The following SLC41A3 variants were observed in gnomAD, a reference collection of about 807,000 sequenced individuals.
The protein encoded by SLC41A3 is SLC41A1-like 2.
SLC41A3 carries 44 observed loss-of-function variants against 45.4 expected under a neutral mutation model. That is an observed-to-expected ratio of 0.97 (90% CI 0.76 to 1.25). The LOEUF is 1.25. SLC41A3 is among the 50% of genes most tolerant of loss of function. The pLI is 0.00. For synonymous variants in SLC41A3, 256 were observed against 252.4 expected, an observed-to-expected ratio of 1.01 and a Z score of -0.13; for missense variants, 550 against 600.6, an observed-to-expected ratio of 0.92 and a Z score of 0.88.
chr3:126,048,438 T>A (rs546121997), intron 3 of SLC41A3, among the ~76,000 whole-genome samples: 1 of 152,346 alleles, frequency 6.6e-6, no homozygotes, highest in East Asian at 1.9e-4. Context: ...CATGTATATA[T>A]TTTATTTCAT....
chr3:126,035,874 G>A (rs1942151503), intron 3 of SLC41A3, among the ~76,000 whole-genome samples: 1 of 152,152 alleles, frequency 6.6e-6, no homozygotes, highest in Admixed American at 6.5e-5. Context: ...CATCAGGTAG[G>A]GATATTTTTC....
chr3:126,061,439 G>A (rs1005559398), intron 2 of SLC41A3, among the ~76,000 whole-genome samples: 4 of 152,170 alleles, frequency 2.6e-5, no homozygotes, highest in Non-Finnish European at 4.4e-5. Context: ...GCCTCCCTCC[G>A]CAGGGCCGCT....
At chr3:126,018,438 GA>G (rs1350811267) in intron 6 of SLC41A3, among the ~76,000 whole-genome samples, 1 of 152,130 alleles carries the variant, frequency 6.6e-6, no homozygotes, top group East Asian at 1.9e-4. Flanking sequence ...TAAACTTGGC[GA>G]ATCTCCCTGG....
chr3:126,099,987 G>C (rs934851887), intron 1 of SLC41A3, among the ~76,000 whole-genome samples: 10 of 152,148 alleles, frequency 6.6e-5, no homozygotes, highest in Admixed American at 2.6e-4. Context: ...GATGTGGTGG[G>C]CTTTGCTCTG....
rs896344376 is a variant in SLC41A3, at chr3:126,006,827, G to A, written c.*189C>T. The A allele has an allele frequency of 1.4e-6, 2 of 1,451,132 alleles. No individual in the cohort carries two copies. Among genetic ancestry groups the A allele is most frequent in the Non-Finnish European group, 9.0e-7 (1 of 1,108,404 alleles). 89.9% of individuals were successfully genotyped at this position (1,451,132 alleles called of 1,614,324 possible). On this transcript the variant is annotated 3_prime_UTR_variant, in exon 11 of 11. Transcript: ENST00000360370. ...CTCAAGCCATGCTCTTGATTTCAGG[G>A]CTCTATTGCAGGCTCAGGTATCAAC...
chr3:126,051,280 G>A (rs1397867584), intron 2 of SLC41A3, among the ~76,000 whole-genome samples: 1 of 152,246 alleles, frequency 6.6e-6, no homozygotes, highest in African/African-American at 2.4e-5. Flanking sequence ...CTGGGGGCTG[G>A]GCCAGGCTGG....
intron 1 of SLC41A3, among the ~76,000 whole-genome samples, chr3:126,081,555 T>C (rs541583796): frequency 6.6e-6 from 1 of 152,382 alleles, no homozygotes; most frequent in South Asian, 2.1e-4. Context: ...ATTGCACTGA[T>C]TTGATCTTTA....
chr3:126,089,450 G>A (rs1312602283), intron 1 of SLC41A3, among the ~76,000 whole-genome samples: 1 of 152,130 alleles, frequency 6.6e-6, no homozygotes, highest in East Asian at 1.9e-4. Context: ...TATGAAAATG[G>A]GTACTGCATT....
intron 2 of SLC41A3, among the ~76,000 whole-genome samples, chr3:126,059,292 A>AAGAAAGAAAGAAAGAAAAGAAAG (rs1943909391): frequency 9.8e-6 from 1 of 101,660 alleles, no homozygotes; most frequent in Non-Finnish European, 2.2e-5. Context: ...GAAAGAAAGA[A>AAGAAAGAAAGAAAGAAAAGAAAG]AGAAAGAAAG....
intron 2 of SLC41A3, among the ~76,000 whole-genome samples, chr3:126,066,128 G>A (rs1944335453): frequency 6.6e-6 from 1 of 152,226 alleles, no homozygotes; most frequent in Admixed American, 6.5e-5. Flanking sequence ...AGTGATGTCT[G>A]TCTTGCCAGC....
Position 126,021,401 on chromosome 3 carries a change from C to T in SLC41A3, c.745+1385G>A, listed in dbSNP as rs970799511. The stretch of plus-strand genomic sequence containing the variant: ...CAGCGCTCCAGAGGAAGGTCATATA[C>T]CAGTTAAATTTCACCATCTTGCCCT... On this transcript the variant is annotated intron_variant, in intron 6 of 10. Coordinates refer to ENST00000360370, the MANE Select transcript of SLC41A3 (RefSeq NM_017836.4). Among the ~76,000 whole-genome samples, 5 of 152,174 alleles carry T rather than the reference C, an allele frequency of 3.3e-5. No individual in the cohort carries two copies. The South Asian group carries it at 1.0e-3, about 32-fold the overall frequency.
At chr3:126,057,196 GT>G in intron 2 of SLC41A3, 1 of 983,424 alleles carries the variant, frequency 1.0e-6, no homozygotes, top group Non-Finnish European at 1.2e-6. Context: ...GTCATCTCAA[GT>G]TGTGTCCAGC....
At chr3:126,056,247 T>C in intron 2 of SLC41A3, 1 of 1,384,050 alleles carries the variant, frequency 7.2e-7, no homozygotes, top group Non-Finnish European at 9.9e-7. Flanking sequence ...GGTTGAGGGC[T>C]GCCCTCCCAC....
In SLC41A3 at chr3:126,037,233, C is replaced by T. The variant is rs188622638; in HGVS notation, c.382-3555G>A. ...TTGCCATGTGATGCCTGCTCCCCTT[C>T]GCCTCCACCATGAATGGAAGCTTCC... On this transcript the variant is annotated intron_variant, in intron 3 of 10. Coordinates refer to ENST00000360370, the MANE Select transcript of SLC41A3 (RefSeq NM_017836.4). 3.9e-3 allele frequency among the ~76,000 whole-genome samples: 590 copies of T among 152,306 alleles called. 5 individuals are homozygous for T. The highest frequency in any genetic ancestry group is 0.011 in the South Asian group (52 of 4,820).
intron 3 of SLC41A3, among the ~76,000 whole-genome samples, chr3:126,049,789 AG>A (rs1166349365): frequency 5.3e-5 from 8 of 152,220 alleles, no homozygotes; most frequent in African/African-American, 1.9e-4. Flanking sequence ...TCTAGAGGAC[AG>A]GAGTCTGAAA....
chr3:126,065,887 A>C (rs548359470), intron 2 of SLC41A3, among the ~76,000 whole-genome samples: 5 of 152,346 alleles, frequency 3.3e-5, no homozygotes, highest in African/African-American at 1.2e-4. Flanking sequence ...ATGAGCAAAG[A>C]ATATAAATAG....
chr3:126,088,511 CA>C (rs1227577326), upstream of SLC41A3, among the ~76,000 whole-genome samples: 2 of 152,036 alleles, frequency 1.3e-5, no homozygotes, highest in African/African-American at 2.4e-5. Context: ...TTATAAAACA[CA>C]AGGATGTTGA....
intron 8 of SLC41A3, 143 bp downstream of exon 8, chr3:126,015,351 A>G: frequency 1.3e-6 from 1 of 744,810 alleles, no homozygotes; most frequent in East Asian, 2.6e-5. Context: ...CATCCCTGTA[A>G]GGCAGCAGTC....
At chr3:126,088,868 C>A (rs538796304), upstream of SLC41A3, among the ~76,000 whole-genome samples, 22 of 152,288 alleles carry the variant, frequency 1.4e-4, no homozygotes, top group African/African-American at 5.3e-4. Context: ...TGGGTTGATG[C>A]AGCACCCCAC....
Sources: allele counts gnomAD v4.1 joint callset (sites outside exome capture counted in the v4.1 genomes callset), GRCh38; gene constraint gnomAD v4.1.1; transcripts MANE v1.5; gene names NCBI Gene and HGNC (gene_info 2026-07-23, HGNC 2026-07-21).